The following CSMD3 variants were observed in gnomAD, a reference collection of about 807,000 sequenced individuals.
CSMD3 encodes CUB and Sushi multiple domains 3.
In CSMD3, 177 loss-of-function variants were observed where a neutral mutation model predicts 435.2. The ratio of observed to expected loss-of-function variants is 0.41; its 90% CI spans 0.36 to 0.46. The LOEUF (loss-of-function observed/expected upper bound fraction) is 0.46. CSMD3 is among the 20% of genes least tolerant of loss of function. The pLI, the probability that CSMD3 is intolerant of heterozygous loss-of-function variation, is 0.34. For missense variants in CSMD3, 4,265 were observed against 4,504.6 expected, an observed-to-expected ratio of 0.95 and a Z score of 1.52; for synonymous variants, 1,656 against 1,520.5, an observed-to-expected ratio of 1.09 and a Z score of -2.07.
At chr8:112,800,125 TTAA>T (rs777836189) in intron 13 of CSMD3, 34 bp downstream of exon 13, 11 of 1,329,714 alleles carry the variant, frequency 8.3e-6, no homozygotes, top group Non-Finnish European at 1.2e-5. Context: ...TCTGGTGGTA[TTAA>T]GATAACATTT....
At chr8:113,025,524 CT>C (rs1203466675) in intron 5 of CSMD3, among the ~76,000 whole-genome samples, 4 of 152,158 alleles carry the variant, frequency 2.6e-5, no homozygotes, top group Non-Finnish European at 5.9e-5. Flanking sequence ...AGGACCTCCA[CT>C]AGGCCAGCTA....
chr8:113,258,231 T>C (rs2093399570), intron 3 of CSMD3, among the ~76,000 whole-genome samples: 1 of 152,214 alleles, frequency 6.6e-6, no homozygotes, highest in South Asian at 2.1e-4. Flanking sequence ...TGTTTTGGAA[T>C]ACATTAATAG....
chr8:112,495,580 C>A (rs1401898971), intron 30 of CSMD3, among the ~76,000 whole-genome samples: 1 of 152,084 alleles, frequency 6.6e-6, no homozygotes, highest in African/African-American at 2.4e-5. Context: ...ATGAATAATA[C>A]TGTCTTTATT....
Position 112,234,506 on chromosome 8 carries a change from C to T in CSMD3, c.10628-29G>A, listed in dbSNP as rs765007220. 9.9e-6 allele frequency: 12 copies of T among 1,212,614 alleles called. No homozygotes were observed. The Admixed American group carries it at 2.0e-4, about 20-fold the overall frequency. The allele number at this position is 1,212,614 out of a possible 1,614,324, so 75.1% of individuals were successfully genotyped here. ...TAAAATGCAAGGACATTTTAGTCTACTTAACTTTGTAAATAGTTATACTTC... is the reference window on the plus strand; with the variant it reads ...TAAAATGCAAGGACATTTTAGTCTATTTAACTTTGTAAATAGTTATACTTC... On this transcript the variant is annotated intron_variant, in intron 67 of 70. Transcript: ENST00000297405.
intron 32 of CSMD3, among the ~76,000 whole-genome samples, chr8:112,446,693 A>T (rs769717695): frequency 1.3e-4 from 20 of 152,162 alleles, no homozygotes; most frequent in Admixed American, 5.9e-4. Context: ...ATATAGCACA[A>T]GTTTATAATT....
intron 20 of CSMD3, among the ~76,000 whole-genome samples, chr8:112,643,996 C>A (rs141647784): frequency 4.5e-4 from 68 of 151,338 alleles, no homozygotes; most frequent in African/African-American, 1.5e-3. Flanking sequence ...TTGACTTTTT[C>A]TTTTTTTAGA....
In CSMD3 at chr8:112,304,797, A is replaced by G. The variant is rs34070127; in HGVS notation, c.8190T>C (p.His2730=). ...KVVFSCDPGY[H]GLGPASIECL... Reference sequence around the variant, plus strand: ...ATTCGATGGAGGCAGGACCTAGTCCATGATAACCAGGGTCACAGCTGAAAA... The same window carrying G: ...ATTCGATGGAGGCAGGACCTAGTCCGTGATAACCAGGGTCACAGCTGAAAA... The change falls in exon 52 of 71, where the codon CAT becomes CAC. Residue 2730 remains histidine, a synonymous_variant. Coordinates refer to ENST00000297405, the MANE Select transcript of CSMD3 (RefSeq NM_198123.2). The G allele has an allele frequency of 4.3e-6, 7 of 1,613,938 alleles. No individual in the cohort carries two copies. In the South Asian group the frequency reaches 5.5e-5, roughly 13 times the overall value.
intron 2 of CSMD3, among the ~76,000 whole-genome samples, chr8:113,305,623 T>TACCA (rs1000504623): frequency 6.6e-6 from 1 of 152,240 alleles, no homozygotes; most frequent in African/African-American, 2.4e-5. Context: ...CATTTCTTTT[T>TACCA]GGCAAAATGC....
chr8:112,295,809 A>G (rs1241142230), intron 54 of CSMD3, 24 bp downstream of exon 54: 1 of 1,610,126 alleles, frequency 6.2e-7, no homozygotes, highest in Non-Finnish European at 8.5e-7. Context: ...GAGGTCTCTA[A>G]TTGCTTTTGC....
intron 11 of CSMD3, among the ~76,000 whole-genome samples, chr8:112,839,098 C>A (rs753227545): frequency 6.6e-6 from 1 of 151,768 alleles, no homozygotes; most frequent in Non-Finnish European, 1.5e-5. Context: ...GTGCAAAATG[C>A]CACCTCAGGG....
intron 6 of CSMD3, among the ~76,000 whole-genome samples, chr8:112,999,771 G>A (rs542901152): frequency 2.9e-4 from 44 of 151,518 alleles, no homozygotes; most frequent in Non-Finnish European, 3.7e-4. Context: ...TTGCTGATAT[G>A]AGAAAAAATG....
At position 112,609,201 on chromosome 8, in the gene CSMD3, CAAAAAAAAAAAAAAAAAA is replaced by C. The variant is rs71566035; in HGVS notation, c.3716-21984_3716-21967del. Reference sequence around the variant, plus strand: ...TGGGTGACAGAGAAAGATACTGCCTCAAAAAAAAAAAAAAAAAAAAAAAAAAAAAAAGAATAGAAGAAA... The same window carrying C: ...TGGGTGACAGAGAAAGATACTGCCTCAAAAAAAAAAAAAGAATAGAAGAAA... On this transcript the variant is annotated intron_variant, in intron 22 of 70. Transcript: ENST00000297405. Among the ~76,000 whole-genome samples, 284 of 43,122 alleles carry C rather than the reference CAAAAAAAAAAAAAAAAAA, an allele frequency of 6.6e-3. 5 individuals are homozygous for C. The highest frequency in any genetic ancestry group is 0.025 in the African/African-American group (268 of 10,532). 28.3% of individuals were successfully genotyped at this position (43,122 alleles called of 152,430 possible).
intron 10 of CSMD3, among the ~76,000 whole-genome samples, chr8:112,919,040 G>C (rs887346889): frequency 6.6e-6 from 1 of 151,870 alleles, no homozygotes; most frequent in Admixed American, 6.6e-5. Flanking sequence ...ACCACCGCCA[G>C]TAATTTCTAG....
intron 2 of CSMD3, among the ~76,000 whole-genome samples, chr8:113,284,474 T>A (rs1239167870): frequency 1.3e-5 from 2 of 152,210 alleles, no homozygotes; most frequent in Non-Finnish European, 2.9e-5. Context: ...TAGAGACTCT[T>A]GTTCAGAGAA....
chr8:112,440,782 C>T (rs1814917470), intron 32 of CSMD3, among the ~76,000 whole-genome samples: 1 of 152,150 alleles, frequency 6.6e-6, no homozygotes, highest in South Asian at 2.1e-4. Flanking sequence ...TACCTTGGGC[C>T]CTTTTGGCTG....
intron 1 of CSMD3, among the ~76,000 whole-genome samples, chr8:113,364,257 T>TA (rs1563748264): frequency 1.4e-4 from 20 of 146,218 alleles, no homozygotes; most frequent in African/African-American, 3.4e-4. Context: ...TTTTTTTTTT[T>TA]TAAAAAGGAT....
chr8:112,390,742 T>A lies in CSMD3; in HGVS notation c.5856A>T (p.Ser1952=), dbSNP rs2129724576. Residue 1952 remains serine, a synonymous_variant, in exon 36 of 71, where the codon TCA becomes TCT. Coordinates refer to ENST00000297405, the MANE Select transcript of CSMD3 (RefSeq NM_198123.2). ...ILTKRKGTIL[S]PGYPEPYDNN... ...TGTCATAAGGCTCAGGGTATCCAGG[T>A]GACAAAATAGTCCCTTTGCGCTTAG... The A allele has an allele frequency of 6.2e-7, 1 of 1,613,256 alleles. No individual in the cohort carries two copies. The highest frequency in any genetic ancestry group is 8.5e-7 in the Non-Finnish European group (1 of 1,179,228).
At chr8:112,389,141 T>C (rs1211255682) in intron 36 of CSMD3, among the ~76,000 whole-genome samples, 9 of 152,154 alleles carry the variant, frequency 5.9e-5, no homozygotes, top group Non-Finnish European at 1.3e-4. Context: ...CTGGCTCTAT[T>C]AGAGTATTAG....
At chr8:112,862,376 C>A (rs1184961400) in intron 10 of CSMD3, among the ~76,000 whole-genome samples, 1 of 151,896 alleles carries the variant, frequency 6.6e-6, no homozygotes, top group Admixed American at 6.6e-5. Flanking sequence ...TAGGTCAGTA[C>A]ATATAGGTTT....
Sources: gnomAD v4.1 joint callset for allele counts (sites outside exome capture counted in the v4.1 genomes callset) on GRCh38, gnomAD v4.1.1 for gene constraint, MANE v1.5 for transcripts, NCBI Gene and HGNC (gene_info 2026-07-23, HGNC 2026-07-21) for gene names.